LHFPL3: variants seen among roughly 807,000 people sequenced by gnomAD.
The protein encoded by LHFPL3 is LHFPL tetraspan subfamily member 3.
In LHFPL3, 5 loss-of-function variants were observed where a neutral mutation model predicts 19.3. The observed-to-expected ratio is 0.26, with a 90% CI of 0.14 to 0.54. The LOEUF (loss-of-function observed/expected upper bound fraction) is 0.54, where lower values mean the gene tolerates loss of function less well. LHFPL3 is among the 20% of genes least tolerant of loss of function. The probability of loss-of-function intolerance (pLI) is 0.94; values close to 1 mark genes in which losing one functional copy is unlikely to be tolerated. For synonymous variants in LHFPL3, 133 were observed against 126.2 expected, an observed-to-expected ratio of 1.05 and a Z score of -0.36; for missense variants, 249 against 307.4, an observed-to-expected ratio of 0.81 and a Z score of 1.42.
Position 104,517,506 on chromosome 7 carries a change from CTTTTT to C in LHFPL3, c.445+188295_445+188299del, listed in dbSNP as rs34506009. The stretch of plus-strand genomic sequence containing the variant: ...CAAATTATTCAAATAATTGATTGGC[CTTTTT>C]TTTTTTTTTTTTGAGATGGAGTTTC... On this transcript the variant is annotated intron_variant, in intron 1 of 2. Transcript: ENST00000424859. Among the ~76,000 whole-genome samples, 221 of 129,372 alleles carry C rather than the reference CTTTTT, an allele frequency of 1.7e-3. 1 individual carries two copies. Among genetic ancestry groups the C allele is most frequent in the African/African-American group, 5.8e-3 (198 of 34,336 alleles). 84.9% of individuals were successfully genotyped at this position (129,372 alleles called of 152,430 possible).
intron 1 of LHFPL3, among the ~76,000 whole-genome samples, chr7:104,380,734 G>A (rs1790810680): frequency 6.6e-6 from 1 of 152,048 alleles, no homozygotes; most frequent in Non-Finnish European, 1.5e-5. Context: ...CTAAAGCATA[G>A]ATGCAAAATC....
At chr7:104,900,984 G>A (rs1792471499) in intron 2 of LHFPL3, among the ~76,000 whole-genome samples, 1 of 152,184 alleles carries the variant, frequency 6.6e-6, no homozygotes, top group Non-Finnish European at 1.5e-5. Context: ...CAACATCCAT[G>A]GTGCATGGGA....
At chr7:104,432,460 C>T (rs187545043) in intron 1 of LHFPL3, among the ~76,000 whole-genome samples, 14 of 152,268 alleles carry the variant, frequency 9.2e-5, no homozygotes, top group African/African-American at 1.7e-4. Flanking sequence ...TCTTCCTCTT[C>T]GGGCCATTCC....
At chr7:104,595,531 AG>A (rs1790832282) in intron 1 of LHFPL3, among the ~76,000 whole-genome samples, 1 of 152,208 alleles carries the variant, frequency 6.6e-6, no homozygotes, top group Non-Finnish European at 1.5e-5. Context: ...GACCCACTTG[AG>A]GAAGCAGTCT....
rs574843519 is a variant in LHFPL3 at position 104,495,509 on chromosome 7, A to G, written c.445+166285A>G. Among the ~76,000 whole-genome samples, 160 of 152,192 alleles carry G rather than the reference A, an allele frequency of 1.1e-3. 2 individuals carry two copies. The highest frequency in any genetic ancestry group is 0.01 in the Middle Eastern group (3 of 294). The stretch of plus-strand genomic sequence containing the variant: ...CGCCATTCTCCTGCCTCAGCCTCCC[A>G]AGTAGCTGGGACTACAGGCACCTGC... On this transcript the variant is annotated intron_variant, in intron 1 of 2. Transcript: ENST00000424859.
chr7:104,458,962 G>A (rs543257334), intron 1 of LHFPL3, among the ~76,000 whole-genome samples: 8 of 152,326 alleles, frequency 5.3e-5, no homozygotes, highest in African/African-American at 1.9e-4. Context: ...GTGGAGGTGG[G>A]AAAGGATCTT....
At chr7:104,733,034 T>C (rs528106425) in intron 1 of LHFPL3, among the ~76,000 whole-genome samples, 1 of 152,336 alleles carries the variant, frequency 6.6e-6, no homozygotes, top group South Asian at 2.1e-4. Flanking sequence ...TTGAGAGGTT[T>C]TGAGTGAGTT....
intron 1 of LHFPL3, among the ~76,000 whole-genome samples, chr7:104,482,663 T>G (rs905099471): frequency 6.6e-6 from 1 of 152,244 alleles, no homozygotes; most frequent in African/African-American, 2.4e-5. Context: ...TTGTTGTTCC[T>G]TCTCCCTGCC....
intron 1 of LHFPL3, among the ~76,000 whole-genome samples, chr7:104,610,065 T>C (rs1246135734): frequency 1.3e-5 from 2 of 152,240 alleles, no homozygotes; most frequent in Non-Finnish European, 2.9e-5. Context: ...TCAATTATTA[T>C]GTTAGCTGGT....
At chr7:104,562,183 G>T (rs1419790405) in intron 1 of LHFPL3, among the ~76,000 whole-genome samples, 2 of 151,900 alleles carry the variant, frequency 1.3e-5, no homozygotes, top group Admixed American at 6.6e-5. Flanking sequence ...TTCTCGAGGA[G>T]TGTCTTTGTG....
chr7:104,473,764 C>T (rs1386259428), intron 1 of LHFPL3, among the ~76,000 whole-genome samples: 1 of 152,204 alleles, frequency 6.6e-6, no homozygotes, highest in African/African-American at 2.4e-5. Flanking sequence ...ACATAGAAAG[C>T]ACTAAGTAAA....
At chr7:104,888,487 G>A (rs1348274466) in intron 2 of LHFPL3, among the ~76,000 whole-genome samples, 6 of 152,174 alleles carry the variant, frequency 3.9e-5, no homozygotes, top group African/African-American at 1.2e-4. Context: ...CTATGATCAT[G>A]CCACTGCACT....
chr7:104,772,040 C>T (rs926618202), intron 2 of LHFPL3, among the ~76,000 whole-genome samples: 2 of 151,788 alleles, frequency 1.3e-5, no homozygotes, highest in East Asian at 1.9e-4. Flanking sequence ...GGAATGGTCT[C>T]GATCTCTTGA....
At chr7:104,452,825 A>G (rs1244222173) in intron 1 of LHFPL3, among the ~76,000 whole-genome samples, 3 of 152,206 alleles carry the variant, frequency 2.0e-5, no homozygotes, top group Admixed American at 6.5e-5. Context: ...ACTGCATGCT[A>G]TGAAAAGTGT....
intron 1 of LHFPL3, among the ~76,000 whole-genome samples, chr7:104,721,394 G>T (rs546362703): frequency 4.6e-5 from 7 of 152,248 alleles, no homozygotes; most frequent in Middle Eastern, 3.4e-3. Flanking sequence ...GTCGGGGAGT[G>T]GGGGAGCTAG....
chr7:104,371,329 T>C (rs1790610627), intron 1 of LHFPL3, among the ~76,000 whole-genome samples: 1 of 152,192 alleles, frequency 6.6e-6, no homozygotes, highest in Non-Finnish European at 1.5e-5. Context: ...GGACACGTGG[T>C]TTATCTCCCC....
intron 1 of LHFPL3, among the ~76,000 whole-genome samples, chr7:104,504,969 G>C (rs746506011): frequency 6.6e-6 from 1 of 151,958 alleles, no homozygotes; most frequent in African/African-American, 2.4e-5. Context: ...AACTCACACT[G>C]CTTGTGTATA....
intron 1 of LHFPL3, among the ~76,000 whole-genome samples, chr7:104,387,504 G>A (rs1790971255): frequency 6.6e-6 from 1 of 152,146 alleles, no homozygotes; most frequent in Admixed American, 6.6e-5. Context: ...GGATTATCTA[G>A]TCTGTAAAAC....
rs554379701 is a variant in LHFPL3 at position 104,575,118 on chromosome 7, G to A, written c.446-161557G>A. On this transcript the variant is annotated intron_variant, in intron 1 of 2. Transcript: ENST00000424859. Reference sequence around the variant, plus strand: ...AACACAAATAACAGAAGACTAAAGAGGTTAAGAATATTTTGCAAATGACCG... The same window carrying A: ...AACACAAATAACAGAAGACTAAAGAAGTTAAGAATATTTTGCAAATGACCG... Among the ~76,000 whole-genome samples the A allele has an allele frequency of 1.9e-4, 29 of 152,296 alleles. No homozygotes were observed. The South Asian group carries it at 5.0e-3, about 26-fold the overall frequency.
Sources: gnomAD v4.1 joint callset for allele counts (sites outside exome capture counted in the v4.1 genomes callset) on GRCh38, gnomAD v4.1.1 for gene constraint, MANE v1.5 for transcripts, NCBI Gene and HGNC (gene_info 2026-07-23, HGNC 2026-07-21) for gene names.